Variants in PAK5 observed in about 807,000 individuals in gnomAD.
PAK5 encodes the protein p21 (RAC1) activated kinase 5.
In PAK5, 16 loss-of-function variants were observed where a neutral mutation model predicts 65.9. That is an observed-to-expected ratio of 0.24 (90% CI 0.16 to 0.37). The LOEUF is 0.37. PAK5 is among the 10% of genes least tolerant of loss of function. The probability of loss-of-function intolerance (pLI) is 1.00; values close to 1 mark genes in which losing one functional copy is unlikely to be tolerated. For synonymous variants in PAK5, 371 were observed against 354.9 expected (o/e 1.05, Z -0.51); for missense variants, 785 against 903.9 (o/e 0.87, Z 1.69).
chr20:9,746,644 G>A (rs1476154037), intron 1 of PAK5, among the ~76,000 whole-genome samples: 4 of 152,062 alleles, frequency 2.6e-5, no homozygotes, highest in Non-Finnish European at 5.9e-5. Flanking sequence ...ACAGTGTTAT[G>A]AGCACCTCAA....
chr20:9,572,129 A>G (rs1262804990), intron 4 of PAK5, among the ~76,000 whole-genome samples: 1 of 152,046 alleles, frequency 6.6e-6, no homozygotes, highest in Non-Finnish European at 1.5e-5. Context: ...AGCTAAAAAA[A>G]AGAGTAGTCA....
At chr20:9,681,787 A>C (rs1454808367) in intron 2 of PAK5, among the ~76,000 whole-genome samples, 1 of 152,066 alleles carries the variant, frequency 6.6e-6, no homozygotes, top group Non-Finnish European at 1.5e-5. Flanking sequence ...TCCTTTCTGC[A>C]TGTCTGTGTA....
intron 1 of PAK5, among the ~76,000 whole-genome samples, chr20:9,778,148 A>G (rs767408172): frequency 5.9e-5 from 9 of 152,224 alleles, no homozygotes; most frequent in Non-Finnish European, 1.2e-4. Flanking sequence ...AGTCTTCACA[A>G]TATCTCCCAT....
At chr20:9,780,432 A>G (rs2048929580) in intron 1 of PAK5, among the ~76,000 whole-genome samples, 1 of 152,034 alleles carries the variant, frequency 6.6e-6, no homozygotes, top group South Asian at 2.1e-4. Context: ...CTAAAATCAT[A>G]TTTTCTTAAT....
intron 2 of PAK5, among the ~76,000 whole-genome samples, chr20:9,670,648 C>A (rs567985403): frequency 5.3e-5 from 8 of 152,092 alleles, no homozygotes; most frequent in Admixed American, 2.0e-4. Flanking sequence ...AATTTGTTTG[C>A]GTTCATTGTA....
chr20:9,752,649 T>A (rs930726739), intron 1 of PAK5, among the ~76,000 whole-genome samples: 1 of 152,074 alleles, frequency 6.6e-6, no homozygotes, highest in South Asian at 2.1e-4. Flanking sequence ...ATTTAAAAAA[T>A]TTAAAAATAA....
At chr20:9,650,825 C>T (rs1288364267) in intron 2 of PAK5, among the ~76,000 whole-genome samples, 5 of 152,154 alleles carry the variant, frequency 3.3e-5, no homozygotes, top group Non-Finnish European at 7.3e-5. Context: ...CAAGAAGCCA[C>T]CACCCATTAA....
intron 1 of PAK5, among the ~76,000 whole-genome samples, chr20:9,732,124 T>TA (rs2048340730): frequency 6.6e-6 from 1 of 152,122 alleles, no homozygotes; most frequent in Non-Finnish European, 1.5e-5. Flanking sequence ...TGTCAAGCTG[T>TA]AAAACTTCTA....
intron 1 of PAK5, among the ~76,000 whole-genome samples, chr20:9,792,702 A>C (rs1349114911): frequency 6.6e-6 from 1 of 152,184 alleles, no homozygotes. Context: ...ATATATTACC[A>C]TTTCAGAGAT....
Position 9,836,575 on chromosome 20 carries a change from T to C in PAK5, c.-162+2187A>G, listed in dbSNP as rs139096756. On this transcript the variant is annotated intron_variant, in intron 1 of 9. Transcript: ENST00000353224. ...GAGGGTGCATGGCCCTGACAACATC[T>C]TGATTTTGGACCTCTAGCCTCCAGA... Among the ~76,000 whole-genome samples, 438 of 152,290 alleles carry C rather than the reference T, an allele frequency of 2.9e-3. 1 individual carries two copies. The highest frequency in any genetic ancestry group is 8.1e-3 in the African/African-American group (336 of 41,554).
intron 1 of PAK5, among the ~76,000 whole-genome samples, chr20:9,764,695 T>C (rs1250635747): frequency 6.6e-6 from 1 of 152,196 alleles, no homozygotes; most frequent in Non-Finnish European, 1.5e-5. Context: ...TTAGGATTGA[T>C]CTTGTTATTG....
At chr20:9,727,117 G>A (rs2048286068) in intron 1 of PAK5, among the ~76,000 whole-genome samples, 1 of 152,062 alleles carries the variant, frequency 6.6e-6, no homozygotes, top group Non-Finnish European at 1.5e-5. Context: ...TACTGTAAAT[G>A]AGTCATACTT....
chr20:9,689,899 T>C (rs1165048187), intron 2 of PAK5, among the ~76,000 whole-genome samples: 2 of 152,248 alleles, frequency 1.3e-5, no homozygotes, highest in East Asian at 1.9e-4. Context: ...AGGCACATAA[T>C]TGCCAAGCAG....
chr20:9,567,542 C>G (rs184434745), intron 4 of PAK5, among the ~76,000 whole-genome samples: 5 of 152,346 alleles, frequency 3.3e-5, no homozygotes, highest in Admixed American at 3.3e-4. Flanking sequence ...ACATATAAAA[C>G]ATTTTCCTCA....
chr20:9,559,660 G>A (rs1291561314), intron 6 of PAK5, among the ~76,000 whole-genome samples: 1 of 152,146 alleles, frequency 6.6e-6, no homozygotes, highest in Admixed American at 6.5e-5. Context: ...CTACTCAGGA[G>A]GTTGAAACAC....
At chr20:9,615,743 G>A (rs6086961) in intron 3 of PAK5, among the ~76,000 whole-genome samples, 2 of 152,286 alleles carry the variant, frequency 1.3e-5, no homozygotes, top group East Asian at 1.9e-4. Flanking sequence ...GGCAGTTGTC[G>A]ATCACTGTAG....
At chr20:9,788,925 C>T (rs1383724505) in intron 1 of PAK5, among the ~76,000 whole-genome samples, 3 of 152,132 alleles carry the variant, frequency 2.0e-5, no homozygotes, top group Non-Finnish European at 2.9e-5. Flanking sequence ...TTTCAACAAC[C>T]ATCAAACACA....
intron 1 of PAK5, among the ~76,000 whole-genome samples, chr20:9,835,395 G>A (rs969027230): frequency 1.3e-5 from 2 of 152,030 alleles, no homozygotes; most frequent in African/African-American, 4.8e-5. Context: ...ATAGAGGGAA[G>A]ATGGTTGGGG....
At position 9,636,310 on chromosome 20, in the gene PAK5, G is replaced by C. The variant is rs116031567; in HGVS notation, c.204+7815C>G. On this transcript the variant is annotated intron_variant, in intron 3 of 9. Transcript: ENST00000353224. ...AGTAATTAAATTAGATTCAATTTTGGATGAGCTTTCAACATAAACTACGAT... is the reference window on the plus strand; with the variant it reads ...AGTAATTAAATTAGATTCAATTTTGCATGAGCTTTCAACATAAACTACGAT... Among the ~76,000 whole-genome samples the C allele has an allele frequency of 7.3e-3, 1,112 of 152,192 alleles. 11 individuals are homozygous for C. The highest frequency in any genetic ancestry group is 0.025 in the African/African-American group (1,048 of 41,526).
Sources: gnomAD v4.1 joint callset for allele counts (sites outside exome capture counted in the v4.1 genomes callset) on GRCh38, gnomAD v4.1.1 for gene constraint, MANE v1.5 for transcripts, NCBI Gene and HGNC (gene_info 2026-07-23, HGNC 2026-07-21) for gene names.